Variants in CCDC171 observed in about 807,000 individuals in gnomAD.
CCDC171 encodes the protein coiled-coil domain containing 171.
CCDC171 carries 177 observed loss-of-function variants against 168.2 expected under a neutral mutation model. The ratio of observed to expected loss-of-function variants is 1.05; its 90% CI spans 0.93 to 1.19. The LOEUF is 1.19. CCDC171 is among the 50% of genes most tolerant of loss of function. The pLI is 0.00. For missense variants in CCDC171, 1,991 were observed against 1,539.0 expected (o/e 1.29, Z -4.91); for synonymous variants, 687 against 540.8 (o/e 1.27, Z -3.75).
intron 3 of CCDC171, among the ~76,000 whole-genome samples, chr9:16,004,974 A>G (rs1458785720): frequency 6.6e-6 from 1 of 152,238 alleles, no homozygotes; most frequent in African/African-American, 2.4e-5. Context: ...CATAGATACC[A>G]TATGAATAAC....
chr9:15,849,164 G>A (rs1040879076), intron 23 of CCDC171, among the ~76,000 whole-genome samples: 1 of 151,416 alleles, frequency 6.6e-6, no homozygotes, highest in Non-Finnish European at 1.5e-5. Context: ...TGAAAATAGT[G>A]GTTTCCCCAA....
chr9:15,557,761 G>T (rs987980953), intron 1 of CCDC171, among the ~76,000 whole-genome samples: 1 of 152,028 alleles, frequency 6.6e-6, no homozygotes, highest in Non-Finnish European at 1.5e-5. Flanking sequence ...CTGGCCAGAA[G>T]TTCCAACACT....
rs570177528 is a variant in CCDC171, at chr9:15,605,683, T to C, written c.675+11511T>C. On this transcript the variant is annotated intron_variant, in intron 6 of 25. Coordinates refer to ENST00000380701, the MANE Select transcript of CCDC171 (RefSeq NM_173550.4). ...GCCTGGGCGACAGAGCGAGACTCTG[T>C]CAAAAAAAAAAAAAGAAAAAAAAAA... Among the ~76,000 whole-genome samples the C allele has an allele frequency of 4.5e-3, 442 of 97,526 alleles. 5 individuals carry two copies. The highest frequency in any genetic ancestry group is 7.7e-3 in the Non-Finnish European group (372 of 48,316). The allele number at this position is 97,526 out of a possible 152,430, so 64.0% of individuals were successfully genotyped here.
intron 21 of CCDC171, among the ~76,000 whole-genome samples, chr9:15,809,574 C>T (rs188608943): frequency 3.9e-5 from 6 of 152,128 alleles, no homozygotes; most frequent in East Asian, 1.9e-4. Context: ...TGCAGACTTT[C>T]GCGGTGTGTG....
intron 21 of CCDC171, among the ~76,000 whole-genome samples, chr9:15,822,397 A>G (rs1208598771): frequency 1.3e-5 from 2 of 151,910 alleles, no homozygotes; most frequent in East Asian, 1.9e-4. Context: ...TGAACAGGCA[A>G]CCTACAGAAT....
At chr9:15,666,393 G>C (rs2048736506) in intron 9 of CCDC171, 70 bp downstream of exon 9, 2 of 1,062,958 alleles carry the variant, frequency 1.9e-6, no homozygotes, top group African/African-American at 1.6e-5. Flanking sequence ...AAATATGAAT[G>C]TATACTATGT....
At chr9:15,666,041 A>G in intron 8 of CCDC171, 122 bp from the exon 9 acceptor site, 1 of 816,600 alleles carries the variant, frequency 1.2e-6, no homozygotes, top group South Asian at 2.0e-5. Flanking sequence ...TTTTAAGCCA[A>G]AGCAGAAAGA....
intron 24 of CCDC171, among the ~76,000 whole-genome samples, chr9:15,880,704 G>A (rs1442795847): frequency 6.8e-6 from 1 of 147,448 alleles, no homozygotes; most frequent in Non-Finnish European, 1.5e-5. Context: ...TCGAACTCCT[G>A]ACCTCAAGTG....
intron 6 of CCDC171, among the ~76,000 whole-genome samples, chr9:15,616,921 G>C (rs890426488): frequency 6.6e-6 from 1 of 152,106 alleles, no homozygotes; most frequent in Non-Finnish European, 1.5e-5. Context: ...TAATTAATTG[G>C]CTCATCATTC....
At chr9:15,962,984 T>G (rs1331740753) in intron 25 of CCDC171, among the ~76,000 whole-genome samples, 2 of 152,116 alleles carry the variant, frequency 1.3e-5, no homozygotes, top group East Asian at 3.8e-4. Context: ...TATCAGCCTT[T>G]ACATATTTAC....
chr9:15,614,346 A>G (rs276437), intron 6 of CCDC171, among the ~76,000 whole-genome samples: 8,295 of 152,192 alleles, frequency 0.055, 271 homozygotes, highest in African/African-American at 0.089. Context: ...AGCTACTACT[A>G]TTCTGAGGCA....
At chr9:15,629,541 C>G (rs1205332777) in intron 7 of CCDC171, among the ~76,000 whole-genome samples, 2 of 152,186 alleles carry the variant, frequency 1.3e-5, no homozygotes, top group East Asian at 1.9e-4. Context: ...AAGACCAAAT[C>G]TACGTCTGAT....
intron 3 of CCDC171, among the ~76,000 whole-genome samples, chr9:16,006,576 C>T (rs1248399193): frequency 7.1e-6 from 1 of 139,966 alleles, no homozygotes; most frequent in African/African-American, 2.6e-5. Context: ...TGCTATCCCT[C>T]CCCCCTCCCC....
At chr9:15,664,574 A>ACACACACACACACACC (rs1266163854) in intron 8 of CCDC171, among the ~76,000 whole-genome samples, 1 of 151,686 alleles carries the variant, frequency 6.6e-6, no homozygotes, top group Non-Finnish European at 1.5e-5. Context: ...TTATACACAC[A>ACACACACACACACACC]CACACACACA....
chr9:15,727,815 A>G (rs2053905012), intron 14 of CCDC171, 54 bp from the exon 15 acceptor site: 2 of 1,402,438 alleles, frequency 1.4e-6, no homozygotes, highest in Non-Finnish European at 1.9e-6. Context: ...TATGTATTTT[A>G]CTTCTTACAA....
Position 15,666,354 on chromosome 9 carries a change from T to A in CCDC171, c.1076+31T>A, listed in dbSNP as rs775270939. ...TATTCTATTGTAAAATTCTCTAAAT[T>A]AACATAAAGATTTTAAAAGAGCTAT... is the stretch of plus-strand genomic sequence containing the variant. On this transcript the variant is annotated intron_variant, in intron 9 of 25. Transcript: ENST00000380701. 12 of 1,478,994 alleles carry A rather than the reference T, an allele frequency of 8.1e-6. 1 individual carries two copies. Among genetic ancestry groups the A allele is most frequent in the South Asian group, 7.3e-5 (6 of 82,624 alleles). 91.6% of individuals were successfully genotyped at this position (1,478,994 alleles called of 1,614,324 possible).
intron 21 of CCDC171, among the ~76,000 whole-genome samples, chr9:15,827,058 GC>G (rs1349740914): frequency 6.6e-6 from 1 of 152,114 alleles, no homozygotes; most frequent in Non-Finnish European, 1.5e-5. Flanking sequence ...GGATGGATGG[GC>G]TATGAGCTTG....
At chr9:15,955,232 T>A (rs1417429678) in intron 25 of CCDC171, among the ~76,000 whole-genome samples, 1 of 152,142 alleles carries the variant, frequency 6.6e-6, no homozygotes, top group Admixed American at 6.6e-5. Context: ...TCCTCACATA[T>A]GTAGTTGCTT....
chr9:16,081,508 T>C, the CCDC171 span, among the ~76,000 whole-genome samples: 1 of 152,092 alleles, frequency 6.6e-6, no homozygotes, highest in Admixed American at 6.5e-5. Flanking sequence ...AAAATGTAGC[T>C]CTAGATGCTG....
Sources: gnomAD v4.1 joint callset for allele counts (sites outside exome capture counted in the v4.1 genomes callset) on GRCh38, gnomAD v4.1.1 for gene constraint, MANE v1.5 for transcripts, NCBI Gene and HGNC (gene_info 2026-07-23, HGNC 2026-07-21) for gene names.